MCUR1: variants seen among roughly 807,000 people sequenced by gnomAD.
The protein encoded by MCUR1 is mitochondrial calcium uniporter regulator 1, also known as MCU regulator 1.
In MCUR1, 37 loss-of-function variants were observed where a neutral mutation model predicts 42.0. The ratio of observed to expected loss-of-function variants is 0.88; its 90% CI spans 0.68 to 1.16. The LOEUF (loss-of-function observed/expected upper bound fraction) is 1.16, where lower values mean the gene tolerates loss of function less well. Ranked by LOEUF, MCUR1 falls within the 50% of genes most tolerant of loss-of-function variation. The probability of loss-of-function intolerance (pLI) is 0.00; values close to 1 mark genes in which losing one functional copy is unlikely to be tolerated. For missense variants in MCUR1, 469 were observed against 468.4 expected (o/e 1.00, Z -0.01); for synonymous variants, 229 against 196.2 (o/e 1.17, Z -1.40).
chr6:13,814,444 C>T lies in MCUR1; in HGVS notation c.-15G>A, dbSNP rs973943408. 1.1e-5 allele frequency: 17 copies of T among 1,497,896 alleles called. No individual in the cohort carries two copies. The highest frequency in any genetic ancestry group is 7.3e-5 in the African/African-American group (5 of 68,964). 92.8% of individuals were successfully genotyped at this position (1,497,896 alleles called of 1,614,324 possible). A position where few individuals can be genotyped will look rare whatever the true frequency, so the allele number is the denominator to read the frequency against. ...CCGCAGTCCATCCCCGAGCAGTTCA[C>T]TGGCCCGGGCGCGCGCTCATGCCTC... On this transcript the variant is annotated 5_prime_UTR_variant, in exon 1 of 9. The change creates a new upstream start codon in the 5' untranslated region. Coordinates refer to ENST00000379170, the MANE Select transcript of MCUR1 (RefSeq NM_001031713.4).
rs1032400410 is a variant in MCUR1 at position 13,814,210 on chromosome 6, G to A, written c.220C>T (p.Leu74=). 2.1e-6 allele frequency: 3 copies of A among 1,447,330 alleles called. No homozygotes were observed. The highest frequency in any genetic ancestry group is 3.0e-5 in the African/African-American group (2 of 67,502). The allele number at this position is 1,447,330 out of a possible 1,614,324, so 89.7% of individuals were successfully genotyped here. A position where few individuals can be genotyped will look rare whatever the true frequency, so the allele number is the denominator to read the frequency against. ...GCGGCCAAGCGCGGGGAGGGCACTA[G>A]CAGGAGGAGGAGCAGCGGTGAGGCA... is the stretch of plus-strand genomic sequence containing the variant. ...SRASPLLLLL[L]VPSPRLAAAA... The change falls in exon 1 of 9, where the codon CTA becomes TTA. Residue 74 remains leucine, a synonymous_variant. Coordinates refer to ENST00000379170, the MANE Select transcript of MCUR1 (RefSeq NM_001031713.4).
intron 7 of MCUR1, 75 bp downstream of exon 7, chr6:13,793,819 A>G (rs1411409295): frequency 3.8e-6 from 5 of 1,299,234 alleles, no homozygotes; most frequent in South Asian, 2.4e-5. Context: ...TCCTATTATC[A>G]TTACAAACAA....
intron 8 of MCUR1, among the ~76,000 whole-genome samples, chr6:13,791,608 A>G (rs1216265115): frequency 6.6e-6 from 1 of 152,194 alleles, no homozygotes; most frequent in East Asian, 1.9e-4. Context: ...AAAATCCCTA[A>G]TAACTATAGT....
chr6:13,814,128 G>A lies in MCUR1; in HGVS notation c.302C>T (p.Ala101Val). The change falls in exon 1 of 9, where the codon GCA becomes GTA. Residue 101 changes from alanine (A) to valine (V), a missense_variant. Transcript: ENST00000379170. ...CGCGCTGCTGCGCCCGGCCGGGGGTGCGGCATACCCGAGGCGCGAGCGCTC... is the reference window on the plus strand; with the variant it reads ...CGCGCTGCTGCGCCCGGCCGGGGGTACGGCATACCCGAGGCGCGAGCGCTC... ...DWERSRLGYA[A>V]PPAGRSSAWR... is the part of the protein sequence containing the mutation. 1 of 1,268,442 alleles carries A rather than the reference G, an allele frequency of 7.9e-7. No homozygotes were observed. The highest frequency in any genetic ancestry group is 9.9e-7 in the Non-Finnish European group (1 of 1,011,710). The allele number at this position is 1,268,442 out of a possible 1,614,324, so 78.6% of individuals were successfully genotyped here. A position where few individuals can be genotyped will look rare whatever the true frequency, so the allele number is the denominator to read the frequency against.
At chr6:13,804,790 C>CAAAAAAAAAAAAAAAAA (rs971958696) in intron 2 of MCUR1, among the ~76,000 whole-genome samples, 10 of 50,448 alleles carry the variant, frequency 2.0e-4, no homozygotes, top group African/African-American at 7.8e-4. Flanking sequence ...ACTCTGTCTC[C>CAAAAAAAAAAAAAAAAA]AAAAAAAAAA....
At chr6:13,813,035 A>G (rs1031370000) in intron 1 of MCUR1, among the ~76,000 whole-genome samples, 1 of 152,168 alleles carries the variant, frequency 6.6e-6, no homozygotes, top group African/African-American at 2.4e-5. Flanking sequence ...TACCTTTTCT[A>G]CATTTAGATG....
chr6:13,798,941 A>C, intron 5 of MCUR1, 37 bp from the exon 6 acceptor site: 1 of 1,301,526 alleles, frequency 7.7e-7, no homozygotes, highest in Admixed American at 1.7e-5. Flanking sequence ...GGAAAAATCC[A>C]AAGTAAGAAA....
chr6:13,807,099 C>T, intron 1 of MCUR1, 55 bp from the exon 2 acceptor site: 3 of 1,529,868 alleles, frequency 2.0e-6, no homozygotes, highest in South Asian at 1.2e-5. Context: ...ACAAAAGCAA[C>T]TCAGCACCCA....
At chr6:13,793,033 C>T (rs575187503) in intron 7 of MCUR1, among the ~76,000 whole-genome samples, 2 of 149,376 alleles carry the variant, frequency 1.3e-5, no homozygotes, top group African/African-American at 4.9e-5. Context: ...CCTGTGGTCC[C>T]AGCTACTCTA....
At chr6:13,806,705 G>A (rs997795330) in intron 2 of MCUR1, among the ~76,000 whole-genome samples, 3 of 152,040 alleles carry the variant, frequency 2.0e-5, no homozygotes, top group Non-Finnish European at 4.4e-5. Flanking sequence ...GTGGGAGGAT[G>A]GCTTGAGCCT....
At chr6:13,807,866 T>C (rs762545273) in intron 1 of MCUR1, among the ~76,000 whole-genome samples, 1 of 152,214 alleles carries the variant, frequency 6.6e-6, no homozygotes, top group Admixed American at 6.5e-5. Flanking sequence ...TAATCAGCAT[T>C]TCCCTGATGA....
At chr6:13,795,259 G>A (rs769867917) in intron 6 of MCUR1, among the ~76,000 whole-genome samples, 6 of 152,002 alleles carry the variant, frequency 3.9e-5, no homozygotes, top group Non-Finnish European at 7.4e-5. Context: ...AGGAGAGCCC[G>A]ATGCATCAGA....
intron 2 of MCUR1, chr6:13,803,676 A>G: frequency 1.2e-6 from 1 of 804,162 alleles, no homozygotes; most frequent in Non-Finnish European, 1.4e-6. Context: ...AAATTCTTTA[A>G]TTTTTCAACA....
chr6:13,797,270 GCTCTCTC>G (rs1217707489), intron 6 of MCUR1, among the ~76,000 whole-genome samples: 5 of 152,130 alleles, frequency 3.3e-5, no homozygotes, highest in Admixed American at 2.6e-4. Flanking sequence ...AGTGCAAGAT[GCTCTCTC>G]TGCCCTATTT....
In MCUR1 at chr6:13,787,726, G is replaced by T. The variant is rs1759634247; in HGVS notation, c.*3083C>A. The T allele has an allele frequency of 6.6e-6, 1 of 152,156 alleles. No homozygotes were observed. Among genetic ancestry groups the T allele is most frequent in the Non-Finnish European group, 1.5e-5 (1 of 68,050 alleles). The allele number at this position is 152,156 out of a possible 1,614,324, so 9.4% of individuals were successfully genotyped here. A position where few individuals can be genotyped will look rare whatever the true frequency, so the allele number is the denominator to read the frequency against. The stretch of plus-strand genomic sequence containing the variant: ...GATATGTGTTCAGGATCTCGCTATG[G>T]TTAGTTACCCATGTGCTAGACATAG... On this transcript the variant is annotated 3_prime_UTR_variant, in exon 9 of 9. Coordinates refer to ENST00000379170, the MANE Select transcript of MCUR1 (RefSeq NM_001031713.4).
chr6:13,801,647 C>T (rs1006827622), intron 3 of MCUR1, among the ~76,000 whole-genome samples: 5 of 152,100 alleles, frequency 3.3e-5, no homozygotes, highest in South Asian at 2.1e-4. Context: ...CCAAGGAGTT[C>T]GAGACCAGCT....
intron 2 of MCUR1, among the ~76,000 whole-genome samples, chr6:13,805,094 G>T (rs182560129): frequency 7.2e-5 from 11 of 151,986 alleles, no homozygotes; most frequent in Admixed American, 7.2e-4. Flanking sequence ...AGTCTTGAAA[G>T]ATGCAAATAA....
At chr6:13,799,873 C>T (rs1419590678) in intron 5 of MCUR1, among the ~76,000 whole-genome samples, 3 of 143,958 alleles carry the variant, frequency 2.1e-5, no homozygotes, top group Admixed American at 1.4e-4. Flanking sequence ...TTCTTGTTAC[C>T]ACGGCTGGAG....
chr6:13,791,753 A>C, intron 8 of MCUR1, 125 bp downstream of exon 8: 2 of 642,164 alleles, frequency 3.1e-6, no homozygotes, highest in Non-Finnish European at 5.1e-6. Context: ...GATGCTTTCC[A>C]ATTTCAGAGA....
Sources: allele counts gnomAD v4.1 joint callset (sites outside exome capture counted in the v4.1 genomes callset), GRCh38; gene constraint gnomAD v4.1.1; transcripts MANE v1.5; gene names NCBI Gene and HGNC (gene_info 2026-07-23, HGNC 2026-07-21).